KCTD1: variants seen among roughly 807,000 people sequenced by gnomAD.
The protein encoded by KCTD1 is BTB/POZ domain-containing protein KCTD1.
KCTD1 carries 24 observed loss-of-function variants against 66.0 expected under a neutral mutation model. The ratio of observed to expected loss-of-function variants is 0.36; its 90% CI spans 0.26 to 0.51. The LOEUF is 0.51. KCTD1 is among the 20% of genes least tolerant of loss of function. The pLI, the probability that KCTD1 is intolerant of heterozygous loss-of-function variation, is 0.95. For synonymous variants in KCTD1, 511 were observed against 517.2 expected (o/e 0.99, Z 0.16); for missense variants, 943 against 1,205.2 (o/e 0.78, Z 3.22).
upstream of KCTD1, among the ~76,000 whole-genome samples, chr18:26,630,208 T>G (rs1197966419): frequency 6.6e-6 from 1 of 152,236 alleles, no homozygotes; most frequent in African/African-American, 2.4e-5. Flanking sequence ...ACATGAGTGA[T>G]CACTGTATCT....
At chr18:26,580,548 A>G (rs1401964007) in intron 1 of KCTD1, among the ~76,000 whole-genome samples, 1 of 152,124 alleles carries the variant, frequency 6.6e-6, no homozygotes, top group Non-Finnish European at 1.5e-5. Flanking sequence ...TATTATTACT[A>G]TTGTTATCAC....
chr18:26,473,224 T>C (rs918731886), intron 3 of KCTD1, among the ~76,000 whole-genome samples: 1 of 152,146 alleles, frequency 6.6e-6, no homozygotes, highest in Non-Finnish European at 1.5e-5. Context: ...TGGAATACCA[T>C]GCAGCCATAA....
chr18:26,481,060 TA>T (rs1366948546), intron 2 of KCTD1, among the ~76,000 whole-genome samples: 36 of 152,260 alleles, frequency 2.4e-4, no homozygotes, highest in African/African-American at 8.7e-4. Context: ...CTCAGGTTCT[TA>T]AGAATTTCTT....
intron 1 of KCTD1, among the ~76,000 whole-genome samples, chr18:26,528,082 A>T (rs374317414): frequency 6.6e-6 from 1 of 152,072 alleles, no homozygotes. Flanking sequence ...AATGGAACTC[A>T]TTGGTTCTCT....
At chr18:26,570,579 AT>A (rs1190059697) in intron 1 of KCTD1, among the ~76,000 whole-genome samples, 2 of 151,598 alleles carry the variant, frequency 1.3e-5, no homozygotes, top group East Asian at 3.9e-4. Context: ...TGGCTAGTTT[AT>A]TTTTTATTTT....
intron 3 of KCTD1, among the ~76,000 whole-genome samples, chr18:26,470,758 T>A (rs1250878876): frequency 2.0e-5 from 3 of 151,980 alleles, no homozygotes. Flanking sequence ...GAGTCAGGGG[T>A]ACAGGTGAGC....
At chr18:26,645,092 G>A (rs1345162621), upstream of KCTD1, among the ~76,000 whole-genome samples, 1 of 152,118 alleles carries the variant, frequency 6.6e-6, no homozygotes, top group Non-Finnish European at 1.5e-5. Context: ...CAGAATAAAG[G>A]GCTCTGTGGT....
chr18:26,602,819 C>T (rs557470743), intron 1 of KCTD1, among the ~76,000 whole-genome samples: 1 of 152,280 alleles, frequency 6.6e-6, no homozygotes, highest in South Asian at 2.1e-4. Context: ...AACAAATATC[C>T]TAAAGAACAA....
chr18:26,547,884 T>G lies in KCTD1; in HGVS notation c.653A>C (p.Lys218Thr). The G allele has an allele frequency of 6.5e-7, 1 of 1,543,300 alleles. No individual in the cohort carries two copies. The highest frequency in any genetic ancestry group is 8.7e-7 in the Non-Finnish European group (1 of 1,146,834). The change falls in exon 1 of 5, where the codon AAA becomes ACA. Residue 218 changes from lysine to threonine, a missense_variant. Physicochemically the swap from Lys to Thr is moderately conservative, Grantham distance 78. This residue lies in a region of KCTD1 where 96 missense variants were observed against 132.5 expected (regional missense o/e 0.72). Transcript: ENST00000580059. ...LRSFYAEARS[K>T]SGQLYSKSSL... ...CGACTTGCTGTAGAGCTGGCCGCTT[T>G]TGGAGCGGGCCTCGGCATAGAAGGA...
At chr18:26,654,068 A>T (rs553505168) in intron 1 of KCTD1, among the ~76,000 whole-genome samples, 13 of 152,362 alleles carry the variant, frequency 8.5e-5, no homozygotes, top group South Asian at 8.3e-4. Flanking sequence ...TTAGCTAAAA[A>T]CATCACATCA....
chr18:26,506,042 A>AT (rs879778999), intron 1 of KCTD1, among the ~76,000 whole-genome samples: 34 of 148,702 alleles, frequency 2.3e-4, no homozygotes, highest in East Asian at 1.2e-3. Context: ...CCCCTGGCTA[A>AT]TTTTTTTTTT....
chr18:26,608,698 G>A (rs1987070753), intron 1 of KCTD1, among the ~76,000 whole-genome samples: 1 of 151,970 alleles, frequency 6.6e-6, no homozygotes, highest in South Asian at 2.1e-4. Flanking sequence ...CACCTCCTAA[G>A]TCTTATTGTG....
chr18:26,483,428 C>A (rs565799052), intron 2 of KCTD1, among the ~76,000 whole-genome samples: 1 of 152,200 alleles, frequency 6.6e-6, no homozygotes, highest in South Asian at 2.1e-4. Context: ...GCCACCACGC[C>A]CGGCTAGTTT....
At chr18:26,458,739 T>C (rs1158197834) in intron 4 of KCTD1, 2 of 152,230 alleles carry the variant, frequency 1.3e-5, no homozygotes, top group Admixed American at 1.3e-4. Flanking sequence ...ATCTTAGTCA[T>C]CCCGGGCTTA....
intron 1 of KCTD1, among the ~76,000 whole-genome samples, chr18:26,589,140 C>T (rs920291712): frequency 4.5e-4 from 68 of 152,286 alleles, no homozygotes; most frequent in African/African-American, 1.6e-3. Context: ...CTGTCTAGAC[C>T]TGTGGCTGTG....
Position 26,488,238 on chromosome 18 carries a change from T to G in KCTD1, c.1989-11579A>C, listed in dbSNP as rs1377248611. Among the ~76,000 whole-genome samples, 9 of 152,264 alleles carry G rather than the reference T, an allele frequency of 5.9e-5. No homozygotes were observed. The East Asian group carries it at 1.7e-3, about 29-fold the overall frequency. On this transcript the variant is annotated intron_variant, in intron 2 of 4. Transcript: ENST00000580059. ...GTTTCCTTGGTTGATACAACAACCTTTATTCCAGTCCATTTTCTCTGAATT... is the reference window on the plus strand; with the variant it reads ...GTTTCCTTGGTTGATACAACAACCTGTATTCCAGTCCATTTTCTCTGAATT...
At chr18:26,534,121 A>G (rs1204970158) in intron 1 of KCTD1, among the ~76,000 whole-genome samples, 3 of 152,258 alleles carry the variant, frequency 2.0e-5, no homozygotes, top group African/African-American at 7.2e-5. Flanking sequence ...GAAGATTTAT[A>G]TTGCTCACAC....
Position 26,455,629 on chromosome 18 carries a change from A to T in KCTD1, c.*114T>A, listed in dbSNP as rs1021373273. 2 of 1,329,618 alleles carry T rather than the reference A, an allele frequency of 1.5e-6. No homozygotes were observed. Among genetic ancestry groups the T allele is most frequent in the African/African-American group, 1.5e-5 (1 of 67,558 alleles). 82.4% of individuals were successfully genotyped at this position (1,329,618 alleles called of 1,614,324 possible). A position where few individuals can be genotyped will look rare whatever the true frequency, so the allele number is the denominator to read the frequency against. The stretch of plus-strand genomic sequence containing the variant: ...TCTATTGGATATAAATGTGTCTTTT[A>T]TTCGATTTTACGTCCAGGACTTGGT... On this transcript the variant is annotated 3_prime_UTR_variant, in exon 5 of 5. Coordinates refer to ENST00000580059, the MANE Select transcript of KCTD1 (RefSeq NM_001142730.3).
At chr18:26,585,383 T>C (rs1006818974) in intron 1 of KCTD1, among the ~76,000 whole-genome samples, 2 of 152,262 alleles carry the variant, frequency 1.3e-5, no homozygotes, top group Admixed American at 1.3e-4. Flanking sequence ...GACTAAAGCA[T>C]TGCAATACAT....
Sources: allele counts gnomAD v4.1 joint callset (sites outside exome capture counted in the v4.1 genomes callset), GRCh38; gene constraint gnomAD v4.1.1; regional missense constraint gnomAD v4.1.1; transcripts MANE v1.5; gene names NCBI Gene and HGNC (gene_info 2026-07-23, HGNC 2026-07-21).